The following WASHC5 variants were observed in gnomAD, a reference collection of about 807,000 sequenced individuals.
The protein encoded by WASHC5 is WASH complex subunit strumpellin.
Under a neutral mutation model 150.4 loss-of-function variants are expected in WASHC5, and 101 were observed. The ratio of observed to expected loss-of-function variants is 0.67; its 90% CI spans 0.57 to 0.79. The LOEUF is 0.79. WASHC5 is among the 30% of genes least tolerant of loss of function. The probability of loss-of-function intolerance (pLI) is 0.00; values close to 1 mark genes in which losing one functional copy is unlikely to be tolerated. For synonymous variants in WASHC5, 467 were observed against 491.2 expected (o/e 0.95, Z 0.65); for missense variants, 1,195 against 1,396.3 (o/e 0.86, Z 2.30).
chr8:125,072,532 C>T (rs2130161965), intron 9 of WASHC5, among the ~76,000 whole-genome samples: 1 of 152,142 alleles, frequency 6.6e-6, no homozygotes, highest in African/African-American at 2.4e-5. Context: ...TGCCACCATG[C>T]CCAGCTAATT....
chr8:125,039,932 A>C (rs1219211313), intron 23 of WASHC5, 34 bp from the exon 24 acceptor site: 1 of 1,418,502 alleles, frequency 7.0e-7, no homozygotes, highest in African/African-American at 1.4e-5. Flanking sequence ...CAGGTAGTGC[A>C]TTCAAGCATT....
chr8:125,032,539 A>C, intron 26 of WASHC5, 145 bp from the exon 27 acceptor site: 1 of 922,552 alleles, frequency 1.1e-6, no homozygotes, highest in East Asian at 2.6e-5. Flanking sequence ...ATTCTGGGCC[A>C]TATTTTGAAT....
intron 18 of WASHC5, 133 bp from the exon 19 acceptor site, chr8:125,049,318 G>A: frequency 4.4e-6 from 4 of 912,678 alleles, no homozygotes; most frequent in Non-Finnish European, 5.2e-6. Context: ...CAGCACTTTG[G>A]GAGGCTTAGG....
chr8:125,076,235 G>C, intron 7 of WASHC5, 113 bp downstream of exon 7: 1 of 937,516 alleles, frequency 1.1e-6, no homozygotes, highest in South Asian at 1.3e-5. Flanking sequence ...TTACCTAAGT[G>C]ATGTTATGTC....
intron 24 of WASHC5, among the ~76,000 whole-genome samples, chr8:125,039,496 C>T (rs192329142): frequency 1.2e-3 from 189 of 152,286 alleles, no homozygotes; most frequent in African/African-American, 4.4e-3. Flanking sequence ...GTGTCTCTCA[C>T]TCGCTCTCTC....
At chr8:125,026,376 CTTTTGTT>C (rs879268306) in intron 28 of WASHC5, among the ~76,000 whole-genome samples, 1 of 151,988 alleles carries the variant, frequency 6.6e-6, no homozygotes, top group South Asian at 2.1e-4. Flanking sequence ...CCTCTTTTGT[CTTTTGTT>C]TTTTAACTGA....
At chr8:125,072,358 G>GA (rs1170796339) in intron 9 of WASHC5, among the ~76,000 whole-genome samples, 3 of 111,982 alleles carry the variant, frequency 2.7e-5, no homozygotes, top group Non-Finnish European at 5.5e-5. Flanking sequence ...AAAGTGGGGG[G>GA]GGGGGGCGGG....
chr8:125,048,259 C>G (rs1816132815), intron 19 of WASHC5, among the ~76,000 whole-genome samples: 1 of 152,148 alleles, frequency 6.6e-6, no homozygotes, highest in African/African-American at 2.4e-5. Context: ...AAATGTCACC[C>G]AAATCATGTC....
At chr8:125,031,903 A>G (rs543689047) in intron 27 of WASHC5, among the ~76,000 whole-genome samples, 8 of 152,290 alleles carry the variant, frequency 5.3e-5, no homozygotes, top group African/African-American at 1.9e-4. Context: ...GTGGCCCAGC[A>G]GGAGTGCAGG....
At chr8:125,048,911 TA>T in intron 19 of WASHC5, 94 bp downstream of exon 19, 1 of 1,035,004 alleles carries the variant, frequency 9.7e-7, no homozygotes, top group Non-Finnish European at 1.4e-6. Flanking sequence ...GACTATCTAG[TA>T]AACTTTCTTG....
At chr8:125,086,298 AC>A (rs906672736) in intron 1 of WASHC5, among the ~76,000 whole-genome samples, 6 of 152,066 alleles carry the variant, frequency 3.9e-5, no homozygotes, top group African/African-American at 1.4e-4. Context: ...TCGCATGGCC[AC>A]CCCATTGCTC....
intron 25 of WASHC5, among the ~76,000 whole-genome samples, chr8:125,037,732 G>A (rs1338139530): frequency 6.6e-6 from 1 of 151,954 alleles, no homozygotes; most frequent in Non-Finnish European, 1.5e-5. Flanking sequence ...GGGAAAGAGG[G>A]AAGAAGGAGA....
Position 125,047,502 on chromosome 8 carries a change from A to G in WASHC5, c.2380-171T>C, listed in dbSNP as rs28716650. Reference sequence around the variant, plus strand: ...CCCCAGGCTGGAGTGCAGTGGCATGATCTTGGCTCACTGCAACCTCCACCA... The same window carrying G: ...CCCCAGGCTGGAGTGCAGTGGCATGGTCTTGGCTCACTGCAACCTCCACCA... On this transcript the variant is annotated intron_variant, in intron 19 of 28. Transcript: ENST00000318410. Among the ~76,000 whole-genome samples the G allele has an allele frequency of 0.19, 28,861 of 151,296 alleles. 3,186 individuals carry two copies. Among genetic ancestry groups the G allele is most frequent in the Middle Eastern group, 0.35 (104 of 294 alleles).
At chr8:125,079,114 GTGTATATA>G (rs1563634359) in intron 5 of WASHC5, among the ~76,000 whole-genome samples, 184 bp from the exon 6 acceptor site, 1 of 71,974 alleles carries the variant, frequency 1.4e-5, no homozygotes, top group African/African-American at 6.2e-5. Context: ...GTGTGTGTGT[GTGTATATA>G]TATATATATA....
Position 125,037,247 on chromosome 8 carries a change from G to A in WASHC5, c.3171C>T (p.Asn1057=). 1 of 1,588,546 alleles carries A rather than the reference G, an allele frequency of 6.3e-7. No individual in the cohort carries two copies. The highest frequency in any genetic ancestry group is 8.6e-7 in the Non-Finnish European group (1 of 1,156,916). The change falls in exon 26 of 29, where the codon AAC becomes AAT. Residue 1057 remains asparagine (N), a synonymous_variant. Transcript: ENST00000318410. ...LIAQLPKLQY[N]KNLGMVCRKP... is the part of the protein sequence containing the mutation. The stretch of plus-strand genomic sequence containing the variant: ...AAATGTTATACGTACCCAGATTTTT[G>A]TTGTATTGAAGTTTTGGCAACTGAG...
chr8:125,074,548 T>C (rs1437945726), intron 8 of WASHC5, among the ~76,000 whole-genome samples: 1 of 152,210 alleles, frequency 6.6e-6, no homozygotes, highest in African/African-American at 2.4e-5. Context: ...AAGATGAATG[T>C]CTTGAGTCTT....
At chr8:125,061,443 G>A (rs1030498358) in intron 11 of WASHC5, among the ~76,000 whole-genome samples, 3 of 152,196 alleles carry the variant, frequency 2.0e-5, no homozygotes, top group African/African-American at 7.2e-5. Flanking sequence ...GCTATAAAGT[G>A]TAGAGGTGGT....
Position 125,083,576 on chromosome 8 carries a change from T to C in WASHC5, c.186+137A>G, listed in dbSNP as rs574175794. The stretch of plus-strand genomic sequence containing the variant: ...TTCAACTTATTTTCAAGTTAGTAGC[T>C]AATATTAAGTTTAGTCGAAAAGCTC... On this transcript the variant is annotated intron_variant, in intron 2 of 28. Transcript: ENST00000318410. 711 of 678,204 alleles carry C rather than the reference T, an allele frequency of 1.0e-3. 5 individuals are homozygous for C. The African/African-American group carries it at 0.012, about 11-fold the overall frequency. The allele number at this position is 678,204 out of a possible 1,614,324, so 42.0% of individuals were successfully genotyped here.
chr8:125,078,167 C>T lies in WASHC5; in HGVS notation c.711+571G>A, dbSNP rs182354044. Among the ~76,000 whole-genome samples the T allele has an allele frequency of 2.6e-5, 4 of 152,268 alleles. 1 individual carries two copies. The highest frequency in any genetic ancestry group is 2.0e-4 in the Admixed American group (3 of 15,294). ...GTTTTTTAAAAGGAAGTGACTACTA[C>T]ACATACTGGCAAGGGGAGTGGGGCG... On this transcript the variant is annotated intron_variant, in intron 6 of 28. Transcript: ENST00000318410.
Sources: allele counts gnomAD v4.1 joint callset (sites outside exome capture counted in the v4.1 genomes callset), GRCh38; gene constraint gnomAD v4.1.1; transcripts MANE v1.5; gene names NCBI Gene and HGNC (gene_info 2026-07-23, HGNC 2026-07-21).